The following SIRPB1 variants were observed in gnomAD, a reference collection of about 807,000 sequenced individuals.
SIRPB1 encodes signal-regulatory protein beta-1.
SIRPB1 carries 28 observed loss-of-function variants against 34.1 expected under a neutral mutation model. That is an observed-to-expected ratio of 0.82 (90% confidence interval 0.61 to 1.12). SIRPB1 has a LOEUF of 1.12. SIRPB1 is among the 50% of genes most tolerant of loss of function. The pLI, the probability that SIRPB1 is intolerant of heterozygous loss-of-function variation, is 0.00. For synonymous variants in SIRPB1, 211 were observed against 203.8 expected, an observed-to-expected ratio of 1.04 and a Z score of -0.30; for missense variants, 499 against 507.0, an observed-to-expected ratio of 0.98 and a Z score of 0.15.
At position 1,605,552 on chromosome 20, in the gene SIRPB1, A is replaced by T. The variant is rs2091506809; in HGVS notation, c.76+14317T>A. On this transcript the variant is annotated intron_variant, in intron 1 of 5. Coordinates refer to ENST00000381605, the MANE Select transcript of SIRPB1 (RefSeq NM_006065.5). ...TGACACCCCCAGCTCCTCATCCGCA[A>T]AACAGGAGGACGGAGGACGGCGTTT... 4.1e-5 allele frequency among the ~76,000 whole-genome samples: 2 copies of T among 48,586 alleles called. 1 individual carries two copies. Among genetic ancestry groups the T allele is most frequent in the Non-Finnish European group, 7.8e-5 (2 of 25,788 alleles). 31.9% of individuals were successfully genotyped at this position (48,586 alleles called of 152,430 possible).
chr20:1,567,892 C>A (rs925126763), intron 4 of SIRPB1, among the ~76,000 whole-genome samples: 16 of 152,202 alleles, frequency 1.1e-4, no homozygotes, highest in African/African-American at 3.9e-4. Flanking sequence ...GGCAGCACTG[C>A]AGATTCTTAT....
rs1403713010 is a variant in SIRPB1, at chr20:1,570,990, G to A, written c.899C>T (p.Thr300Ile). ...GGTGCCATCCTTGTTCTCTATGAGG[G>A]TCGAAGCTGTTTCTGTCCGGGACAC... ...GNVSRTETASTLIENKDGTYN... is the reference protein window; with the variant it reads ...GNVSRTETASILIENKDGTYN... Residue 300 changes from threonine to isoleucine, a missense_variant, in exon 4 of 6, where the codon ACC (threonine) becomes ATC (isoleucine). Thr to Ile is a moderately conservative substitution (Grantham distance 89, BLOSUM62 -1). Transcript: ENST00000381605. 55 of 1,614,062 alleles carry A rather than the reference G, an allele frequency of 3.4e-5. No individual in the cohort carries two copies. The highest frequency in any genetic ancestry group is 4.6e-5 in the Non-Finnish European group (54 of 1,180,026).
In SIRPB1 at chr20:1,586,461, T is replaced by C. The variant is rs1277521794; in HGVS notation, c.77-7767A>G. ...TGTGTGTGCGTGTACACACTTACAC[T>C]CACTTATATGCACACATGCAGGGAT... On this transcript the variant is annotated intron_variant, in intron 1 of 5. Transcript: ENST00000381605. 4.1e-5 allele frequency among the ~76,000 whole-genome samples: 2 copies of C among 49,052 alleles called. 1 individual carries two copies. Among genetic ancestry groups the C allele is most frequent in the Non-Finnish European group, 7.9e-5 (2 of 25,434 alleles). The allele number at this position is 49,052 out of a possible 152,430, so 32.2% of individuals were successfully genotyped here. A position where few individuals can be genotyped will look rare whatever the true frequency, so the allele number is the denominator to read the frequency against.
rs2091226116 is a variant in SIRPB1, at chr20:1,571,018, T to TCTG, written c.870_871insCAG (p.Gly290_Asn291insGln). 1.9e-6 allele frequency: 3 copies of TCTG among 1,614,132 alleles called. No individual in the cohort carries two copies. The highest frequency in any genetic ancestry group is 2.5e-6 in the Non-Finnish European group (3 of 1,179,994). ...GAAGCTGTTTCTGTCCGGGACACAT[T>TCTG]TCCATTCTCCAACCAGGTCAGCTGT... is the stretch of plus-strand genomic sequence containing the variant. On this transcript the variant is annotated inframe_insertion, in exon 4 of 6. Transcript: ENST00000381605.
chr20:1,571,035 G>T lies in SIRPB1; in HGVS notation c.854C>A (p.Thr285Asn). The change falls in exon 4 of 6, where the codon ACC (threonine) becomes AAC (asparagine). Residue 285 changes from threonine (T) to asparagine (N), a missense_variant. Thr to Asn is a moderately conservative substitution (Grantham distance 65, BLOSUM62 0). Transcript: ENST00000381605. ...SNFYPRGLQL[T>N]WLENGNVSRT... ...GGACACATTTCCATTCTCCAACCAG[G>T]TCAGCTGTAGTCCCCGGGGGTAGAA... The T allele has an allele frequency of 6.2e-7, 1 of 1,614,172 alleles. No homozygotes were observed. The highest frequency in any genetic ancestry group is 8.5e-7 in the Non-Finnish European group (1 of 1,180,004).
At chr20:1,580,319 T>A (rs1362393463) in intron 1 of SIRPB1, among the ~76,000 whole-genome samples, 1 of 147,160 alleles carries the variant, frequency 6.8e-6, no homozygotes, top group Admixed American at 6.7e-5. Flanking sequence ...TCTCCAAGAA[T>A]TAATCTTCCT....
intron 4 of SIRPB1, among the ~76,000 whole-genome samples, chr20:1,567,089 A>C (rs897037371): frequency 4.7e-5 from 7 of 148,426 alleles, no homozygotes; most frequent in African/African-American, 1.7e-4. Context: ...CAAAGGTATT[A>C]AAAAAAATTT....
Position 1,570,958 on chromosome 20 carries a change from A to G in SIRPB1, c.931T>C (p.Trp311Arg). Residue 311 changes from tryptophan (W) to arginine (R), a missense_variant, in exon 4 of 6, where the codon TGG becomes CGG. By Grantham distance (101) the Trp-to-Arg change is moderately radical (BLOSUM62 -3). Coordinates refer to ENST00000381605, the MANE Select transcript of SIRPB1 (RefSeq NM_006065.5). ...GTGTTCACCAGGAGCCAGCTCATCCAGTTGTAGGTGCCATCCTTGTTCTCT... is the reference window on the plus strand; with the variant it reads ...GTGTTCACCAGGAGCCAGCTCATCCGGTTGTAGGTGCCATCCTTGTTCTCT... ...LIENKDGTYN[W>R]MSWLLVNTCA... 1.2e-6 allele frequency: 2 copies of G among 1,613,582 alleles called. No individual in the cohort carries two copies. Among genetic ancestry groups the G allele is most frequent in the Non-Finnish European group, 1.7e-6 (2 of 1,179,898 alleles).
intron 2 of SIRPB1, among the ~76,000 whole-genome samples, chr20:1,576,218 T>C (rs1229455758): frequency 6.8e-6 from 1 of 147,908 alleles, no homozygotes; most frequent in African/African-American, 2.5e-5. Context: ...TTTGCCAATA[T>C]TATCTGCACA....
rs200329163 is a variant in SIRPB1, at chr20:1,578,379, A to G, written c.392T>C (p.Val131Ala). The change falls in exon 2 of 6, where the codon GTG becomes GCG. Residue 131 changes from valine to alanine, a missense_variant. Physicochemically the swap from Val to Ala is moderately conservative, Grantham distance 64. Coordinates refer to ENST00000381605, the MANE Select transcript of SIRPB1 (RefSeq NM_006065.5). ...VKFRKGSPDDVEFKSGAGTEL... is the reference protein window; with the variant it reads ...VKFRKGSPDDAEFKSGAGTEL... ...AGTGCCTGCTCCAGACTTAAACTCC[A>G]CGTCGTCAGGGCTCCCTTTCCGGAA... 1 of 1,321,366 alleles carries G rather than the reference A, an allele frequency of 7.6e-7. No individual in the cohort carries two copies. Among genetic ancestry groups the G allele is most frequent in the East Asian group, 2.4e-5 (1 of 41,970 alleles). The allele number at this position is 1,321,366 out of a possible 1,614,324, so 81.9% of individuals were successfully genotyped here.
At chr20:1,618,379 C>T (rs1345282140) in intron 1 of SIRPB1, among the ~76,000 whole-genome samples, 1 of 152,218 alleles carries the variant, frequency 6.6e-6, no homozygotes, top group Non-Finnish European at 1.5e-5. Context: ...AGCTGCTCCA[C>T]TGACTGAGGT....
chr20:1,614,471 G>A lies in SIRPB1; in HGVS notation c.76+5398C>T, dbSNP rs755456136. Among the ~76,000 whole-genome samples the A allele has an allele frequency of 6.6e-5, 10 of 152,000 alleles. 1 individual carries two copies. Among genetic ancestry groups the A allele is most frequent in the Non-Finnish European group, 1.3e-4 (9 of 68,018 alleles). On this transcript the variant is annotated intron_variant, in intron 1 of 5. Coordinates refer to ENST00000381605, the MANE Select transcript of SIRPB1 (RefSeq NM_006065.5). ...TCCTCTACTGTGACCTAGTGACATT[G>A]AAACACCCTAGTAAAACCCATCATG...
At chr20:1,573,739 C>T (rs1347045945) in intron 2 of SIRPB1, among the ~76,000 whole-genome samples, 1 of 146,786 alleles carries the variant, frequency 6.8e-6, no homozygotes, top group Non-Finnish European at 1.5e-5. Context: ...TCATGTGAGC[C>T]CTTGTGTAGG....
intron 1 of SIRPB1, among the ~76,000 whole-genome samples, chr20:1,614,995 C>T (rs1369853045): frequency 6.6e-6 from 1 of 152,094 alleles, no homozygotes; most frequent in Admixed American, 6.5e-5. Flanking sequence ...TCTTCAAGAG[C>T]ACAAGATGAT....
intron 4 of SIRPB1, among the ~76,000 whole-genome samples, chr20:1,566,683 A>T (rs1014559615): frequency 1.3e-5 from 2 of 152,158 alleles, no homozygotes; most frequent in Non-Finnish European, 2.9e-5. Flanking sequence ...TTATGTCCCC[A>T]AGGGTGACTC....
At position 1,591,656 on chromosome 20, in the gene SIRPB1, A is replaced by C. The variant is rs2091442396; in HGVS notation, c.77-12962T>G. ...AGTGAAGAATGTCACCGGTAGAGTA[A>C]TGATTGGACTATGTTGGTGGAATCA... On this transcript the variant is annotated intron_variant, in intron 1 of 5. Coordinates refer to ENST00000381605, the MANE Select transcript of SIRPB1 (RefSeq NM_006065.5). 2 of 54,250 alleles carry C rather than the reference A, an allele frequency of 3.7e-5. 1 individual carries two copies. The allele number at this position is 54,250 out of a possible 1,614,324, so 3.4% of individuals were successfully genotyped here.
intron 1 of SIRPB1, chr20:1,597,317 A>G (rs2091460817): frequency 2.0e-5 from 1 of 48,960 alleles, no homozygotes. Context: ...GTATGTTGCT[A>G]TAAAAGAATA....
intron 2 of SIRPB1, among the ~76,000 whole-genome samples, chr20:1,577,196 C>G (rs2091324808): frequency 6.8e-6 from 1 of 148,116 alleles, no homozygotes; most frequent in African/African-American, 2.5e-5. Flanking sequence ...AATGCTGGCT[C>G]TCTGACACCT....
chr20:1,565,186 T>C lies in SIRPB1; in HGVS notation c.*314A>G, dbSNP rs2091111356. 1.0e-5 allele frequency: 4 copies of C among 397,160 alleles called. No homozygotes were observed. The highest frequency in any genetic ancestry group is 6.2e-5 in the African/African-American group (3 of 48,652). The allele number at this position is 397,160 out of a possible 1,614,324, so 24.6% of individuals were successfully genotyped here. ...CTCTTGAGAGCCTGGAGAGAGTCTGTGGTTTATGGCCAGTCCCAAGGCGAC... is the reference window on the plus strand; with the variant it reads ...CTCTTGAGAGCCTGGAGAGAGTCTGCGGTTTATGGCCAGTCCCAAGGCGAC... On this transcript the variant is annotated 3_prime_UTR_variant, in exon 6 of 6. Coordinates refer to ENST00000381605, the MANE Select transcript of SIRPB1 (RefSeq NM_006065.5).
Sources: allele counts gnomAD v4.1 joint callset (sites outside exome capture counted in the v4.1 genomes callset), GRCh38; gene constraint gnomAD v4.1.1; transcripts MANE v1.5; gene names NCBI Gene and HGNC (gene_info 2026-07-23, HGNC 2026-07-21).